ADAMTSL1: variants seen among roughly 807,000 people sequenced by gnomAD.
ADAMTSL1 encodes the protein ADAMTS like 1.
A neutral mutation model predicts 201.8 loss-of-function variants in ADAMTSL1; 126 were observed. That is an observed-to-expected ratio of 0.62 (90% confidence interval 0.54 to 0.72). The LOEUF is 0.72. ADAMTSL1 is among the 30% of genes least tolerant of loss of function. The probability of loss-of-function intolerance (pLI) is 0.00; values close to 1 mark genes in which losing one functional copy is unlikely to be tolerated. For missense variants in ADAMTSL1, 2,679 were observed against 2,277.8 expected, an observed-to-expected ratio of 1.18 and a Z score of -3.59; for synonymous variants, 1,121 against 903.4, an observed-to-expected ratio of 1.24 and a Z score of -4.32.
chr9:18,851,208 G>A (rs764300395), intron 23 of ADAMTSL1, among the ~76,000 whole-genome samples: 1 of 151,902 alleles, frequency 6.6e-6, no homozygotes, highest in Admixed American at 6.6e-5. Flanking sequence ...AGATGTGCAA[G>A]GTGTGGCCCC....
At chr9:18,076,823 G>A (rs756545526) in intron 1 of ADAMTSL1, among the ~76,000 whole-genome samples, 7 of 152,102 alleles carry the variant, frequency 4.6e-5, no homozygotes, top group East Asian at 1.9e-4. Flanking sequence ...TTTTGATAAC[G>A]TGTGGAGTGT....
chr9:18,754,788 A>G (rs906031794), intron 16 of ADAMTSL1, among the ~76,000 whole-genome samples: 2 of 152,188 alleles, frequency 1.3e-5, no homozygotes, highest in African/African-American at 4.8e-5. Flanking sequence ...CATTAAATAT[A>G]TATTTTCTTT....
chr9:18,414,705 A>G (rs1563944953), intron 2 of ADAMTSL1, among the ~76,000 whole-genome samples: 1 of 152,208 alleles, frequency 6.6e-6, no homozygotes, highest in Non-Finnish European at 1.5e-5. Flanking sequence ...AAAGACCAAG[A>G]TAGAGGCTGT....
At chr9:18,188,306 G>A (rs1282315681) in intron 2 of ADAMTSL1, among the ~76,000 whole-genome samples, 1 of 152,162 alleles carries the variant, frequency 6.6e-6, no homozygotes, top group Non-Finnish European at 1.5e-5. Context: ...TTAGGAATTA[G>A]TTGGCACTGG....
At chr9:18,565,667 C>T (rs949535262) in intron 3 of ADAMTSL1, among the ~76,000 whole-genome samples, 1 of 151,930 alleles carries the variant, frequency 6.6e-6, no homozygotes, top group African/African-American at 2.4e-5. Context: ...CAAAACTGAC[C>T]CCACTTTCTG....
intron 2 of ADAMTSL1, 52 bp downstream of exon 2, chr9:18,505,008 TGAGGC>T (rs1235611965): frequency 6.4e-7 from 1 of 1,564,758 alleles, no homozygotes; most frequent in East Asian, 2.3e-5. Flanking sequence ...GTAGCCGGTT[TGAGGC>T]ATGCTTTTGT....
At chr9:18,047,805 G>A (rs1389059372) in intron 1 of ADAMTSL1, among the ~76,000 whole-genome samples, 6 of 152,270 alleles carry the variant, frequency 3.9e-5, no homozygotes, top group East Asian at 3.9e-4. Flanking sequence ...GAAGTATTTC[G>A]CCAATTACTT....
intron 3 of ADAMTSL1, among the ~76,000 whole-genome samples, chr9:18,563,177 G>A (rs1427542846): frequency 6.6e-6 from 1 of 152,090 alleles, no homozygotes; most frequent in Non-Finnish European, 1.5e-5. Flanking sequence ...TTTGATTTTG[G>A]TGACTGAATG....
intron 1 of ADAMTSL1, among the ~76,000 whole-genome samples, chr9:17,947,065 G>T (rs1357265276): frequency 1.3e-5 from 2 of 151,904 alleles, no homozygotes; most frequent in Non-Finnish European, 2.9e-5. Flanking sequence ...GCATGTAAAA[G>T]CATATCAGCT....
chr9:18,678,728 A>C (rs1320775803), intron 10 of ADAMTSL1, among the ~76,000 whole-genome samples: 1 of 152,102 alleles, frequency 6.6e-6, no homozygotes, highest in Non-Finnish European at 1.5e-5. Context: ...TTCCTACTTC[A>C]CTGTCAGATC....
intron 1 of ADAMTSL1, among the ~76,000 whole-genome samples, chr9:18,025,424 T>C (rs1820651374): frequency 6.6e-6 from 1 of 152,184 alleles, no homozygotes; most frequent in Admixed American, 6.6e-5. Flanking sequence ...TTTGAGTTAA[T>C]TTTTGTATAT....
chr9:18,191,244 C>T (rs1272199228), intron 2 of ADAMTSL1, among the ~76,000 whole-genome samples: 2 of 152,124 alleles, frequency 1.3e-5, no homozygotes, highest in African/African-American at 4.8e-5. Flanking sequence ...GCTTGACCTT[C>T]CCCTGTTCCT....
chr9:18,269,236 C>G (rs1053768866), intron 2 of ADAMTSL1, among the ~76,000 whole-genome samples: 2 of 152,078 alleles, frequency 1.3e-5, no homozygotes, highest in African/African-American at 2.4e-5. Context: ...TATCATTTCT[C>G]TCCAGCTATA....
intron 15 of ADAMTSL1, among the ~76,000 whole-genome samples, chr9:18,746,732 A>G (rs924419304): frequency 7.2e-5 from 11 of 151,728 alleles, no homozygotes; most frequent in African/African-American, 2.4e-4. Flanking sequence ...AGAGGAGCAA[A>G]ACCTTGGCAA....
intron 1 of ADAMTSL1, among the ~76,000 whole-genome samples, chr9:18,114,295 G>A (rs1338513477): frequency 2.0e-5 from 3 of 152,110 alleles, no homozygotes; most frequent in East Asian, 3.9e-4. Flanking sequence ...AAACAGCTAC[G>A]GATAAAGCTA....
chr9:18,777,136 C>A lies in ADAMTSL1; in HGVS notation c.2907C>A (p.Ala969=). Residue 969 remains alanine (A), a synonymous_variant, in exon 19 of 29, where the codon GCC becomes GCA. Transcript: ENST00000380548. ...KLIGGNRKLV[A]RPLSPRSEEE... is the part of the protein sequence containing the mutation. ...TCGGAGGCAACCGCAAGCTCGTGGC[C>A]CGGCCCTTGAGCCCGAGAAGTGAGG... The A allele has an allele frequency of 1.2e-6, 2 of 1,613,050 alleles. No homozygotes were observed. Among genetic ancestry groups the A allele is most frequent in the Middle Eastern group, 1.6e-4 (1 of 6,062 alleles).
chr9:18,221,134 T>C (rs371450759), intron 2 of ADAMTSL1, among the ~76,000 whole-genome samples: 1 of 152,174 alleles, frequency 6.6e-6, no homozygotes, highest in East Asian at 1.9e-4. Flanking sequence ...TTAGTAGATA[T>C]CATGCCTTCC....
chr9:18,323,845 G>T (rs1457306319), intron 2 of ADAMTSL1, among the ~76,000 whole-genome samples: 2 of 152,108 alleles, frequency 1.3e-5, no homozygotes, highest in African/African-American at 4.8e-5. Flanking sequence ...TAAATAAATG[G>T]AAAGATATGC....
intron 1 of ADAMTSL1, among the ~76,000 whole-genome samples, chr9:18,042,341 C>T (rs1182964239): frequency 6.6e-6 from 1 of 151,946 alleles, no homozygotes; most frequent in Non-Finnish European, 1.5e-5. Context: ...GAATTTATGC[C>T]TAAGAGGAAA....
Sources: allele counts gnomAD v4.1 joint callset (sites outside exome capture counted in the v4.1 genomes callset), GRCh38; gene constraint gnomAD v4.1.1; transcripts MANE v1.5; gene names NCBI Gene and HGNC (gene_info 2026-07-23, HGNC 2026-07-21).